The following GALNTL6 variants were observed in gnomAD, a reference collection of about 807,000 sequenced individuals.
The protein encoded by GALNTL6 is polypeptide N-acetylgalactosaminyltransferase-like 6.
In GALNTL6, 46 loss-of-function variants were observed where a neutral mutation model predicts 73.7. That is an observed-to-expected ratio of 0.62 (90% CI 0.49 to 0.80). The LOEUF is 0.80. Ranked by LOEUF, GALNTL6 falls within the 30% of genes least tolerant of loss-of-function variation. GALNTL6 has a pLI of 0.00. For synonymous variants in GALNTL6, 259 were observed against 263.7 expected, an observed-to-expected ratio of 0.98 and a Z score of 0.17; for missense variants, 604 against 755.0, an observed-to-expected ratio of 0.80 and a Z score of 2.34.
chr4:171,885,967 A>C (rs1736596895), intron 2 of GALNTL6, among the ~76,000 whole-genome samples: 1 of 152,170 alleles, frequency 6.6e-6, no homozygotes. Context: ...AATTAACTAT[A>C]AACTGACAAT....
chr4:171,844,625 T>G (rs888898374), intron 2 of GALNTL6, among the ~76,000 whole-genome samples: 3 of 152,170 alleles, frequency 2.0e-5, no homozygotes, highest in Non-Finnish European at 4.4e-5. Flanking sequence ...ACAGCAGATA[T>G]GACCAGAGCA....
intron 2 of GALNTL6, among the ~76,000 whole-genome samples, chr4:172,169,734 AT>A (rs1734751594): frequency 6.6e-6 from 1 of 152,232 alleles, no homozygotes; most frequent in Non-Finnish European, 1.5e-5. Context: ...AGGGCAATTG[AT>A]TTGTGAAAGA....
intron 5 of GALNTL6, among the ~76,000 whole-genome samples, chr4:172,406,984 C>T (rs1744262474): frequency 6.6e-6 from 1 of 151,916 alleles, no homozygotes; most frequent in African/African-American, 2.4e-5. Context: ...CATCTGATAT[C>T]TATCATTATC....
At chr4:172,923,711 G>C (rs954674919) in intron 8 of GALNTL6, among the ~76,000 whole-genome samples, 3 of 152,000 alleles carry the variant, frequency 2.0e-5, no homozygotes, top group African/African-American at 7.2e-5. Context: ...ACAAAAGAAA[G>C]AGGTTTAAAT....
intron 5 of GALNTL6, among the ~76,000 whole-genome samples, chr4:172,795,956 A>G (rs577260199): frequency 1.6e-4 from 24 of 151,460 alleles, no homozygotes; most frequent in Admixed American, 1.2e-3. Flanking sequence ...TATTTTATAT[A>G]AAATATATAA....
At chr4:172,717,304 A>G (rs2043780) in intron 5 of GALNTL6, among the ~76,000 whole-genome samples, 47,578 of 152,194 alleles carry the variant, frequency 0.31, 8,081 homozygotes, top group Middle Eastern at 0.46. Context: ...AACACATTCT[A>G]TGTAATCATT....
At chr4:171,840,125 C>A (rs958568331) in intron 2 of GALNTL6, among the ~76,000 whole-genome samples, 5 of 152,164 alleles carry the variant, frequency 3.3e-5, no homozygotes, top group Non-Finnish European at 4.4e-5. Context: ...ACATGGCACA[C>A]AAAGTCACCG....
intron 2 of GALNTL6, among the ~76,000 whole-genome samples, chr4:172,039,020 T>C (rs1353591893): frequency 6.6e-6 from 1 of 152,198 alleles, no homozygotes; most frequent in African/African-American, 2.4e-5. Context: ...TTTATAATCC[T>C]TTTCGCTTCA....
At chr4:172,379,621 AT>A (rs1256486711) in intron 5 of GALNTL6, among the ~76,000 whole-genome samples, 3 of 151,002 alleles carry the variant, frequency 2.0e-5, no homozygotes, top group Non-Finnish European at 4.4e-5. Flanking sequence ...AAAGGAGCTC[AT>A]AAATTAAAAT....
chr4:172,853,270 T>G (rs1445408420), intron 7 of GALNTL6, among the ~76,000 whole-genome samples: 1 of 152,220 alleles, frequency 6.6e-6, no homozygotes, highest in Non-Finnish European at 1.5e-5. Flanking sequence ...TGTTAGCTGG[T>G]GAGCACCCAC....
At chr4:172,280,241 T>C (rs1738995536) in intron 3 of GALNTL6, among the ~76,000 whole-genome samples, 1 of 152,232 alleles carries the variant, frequency 6.6e-6, no homozygotes, top group Admixed American at 6.5e-5. Context: ...ATATGTATTT[T>C]ACCACAAGTA....
chr4:172,586,516 C>T (rs1215658537), intron 5 of GALNTL6, among the ~76,000 whole-genome samples: 7 of 149,504 alleles, frequency 4.7e-5, no homozygotes, highest in Non-Finnish European at 8.9e-5. Flanking sequence ...GAAAGCATTA[C>T]GGCATTTCTC....
chr4:172,848,873 A>T (rs1453852279), intron 7 of GALNTL6, among the ~76,000 whole-genome samples: 1 of 152,178 alleles, frequency 6.6e-6, no homozygotes, highest in African/African-American at 2.4e-5. Flanking sequence ...CTACTGGAAG[A>T]CTGAGAGCAG....
At chr4:172,626,324 TG>T (rs1267920856) in intron 5 of GALNTL6, among the ~76,000 whole-genome samples, 1 of 152,114 alleles carries the variant, frequency 6.6e-6, no homozygotes, top group Non-Finnish European at 1.5e-5. Flanking sequence ...ATCAGATGGC[TG>T]CAGGTGTGGG....
At chr4:172,896,787 C>T (rs1488855859) in intron 8 of GALNTL6, among the ~76,000 whole-genome samples, 1 of 152,182 alleles carries the variant, frequency 6.6e-6, no homozygotes, top group Non-Finnish European at 1.5e-5. Flanking sequence ...CCAGTCTCAG[C>T]TCAGAGGGTG....
chr4:172,415,950 G>A (rs1371046418), intron 5 of GALNTL6, among the ~76,000 whole-genome samples: 1 of 152,110 alleles, frequency 6.6e-6, no homozygotes, highest in Non-Finnish European at 1.5e-5. Context: ...GTAGCACCAG[G>A]CTGTCTGACT....
chr4:172,336,191 A>AAATAAACAATATCTTAAATAAATATCCT (rs1741310130), intron 4 of GALNTL6, among the ~76,000 whole-genome samples: 1 of 144,270 alleles, frequency 6.9e-6, no homozygotes, highest in Non-Finnish European at 1.5e-5. Context: ...ATCTTAATTT[A>AAATAAACAATATCTTAAATAAATATCCT]TTTGTTTACC....
intron 5 of GALNTL6, among the ~76,000 whole-genome samples, chr4:172,463,520 A>G (rs1325239898): frequency 6.6e-6 from 1 of 152,202 alleles, no homozygotes; most frequent in Non-Finnish European, 1.5e-5. Context: ...TATTTCATTC[A>G]TCTCTTCATG....
intron 2 of GALNTL6, among the ~76,000 whole-genome samples, chr4:172,164,434 G>T (rs886922363): frequency 9.2e-5 from 14 of 151,832 alleles, no homozygotes; most frequent in Non-Finnish European, 1.6e-4. Flanking sequence ...TTTAAAAAAA[G>T]TGTTCATAAT....
Sources: gnomAD v4.1 joint callset for allele counts (sites outside exome capture counted in the v4.1 genomes callset) on GRCh38, gnomAD v4.1.1 for gene constraint, MANE v1.5 for transcripts, NCBI Gene and HGNC (gene_info 2026-07-23, HGNC 2026-07-21) for gene names.